ANO2: variants seen among roughly 807,000 people sequenced by gnomAD.
ANO2 encodes anoctamin-2.
In ANO2, 101 loss-of-function variants were observed where a neutral mutation model predicts 124.2. The ratio of observed to expected loss-of-function variants is 0.81; its 90% CI spans 0.69 to 0.96. The LOEUF is 0.96. Ranked by LOEUF, ANO2 falls within the 40% of genes least tolerant of loss-of-function variation. The pLI, the probability that ANO2 is intolerant of heterozygous loss-of-function variation, is 0.00. For synonymous variants in ANO2, 486 were observed against 482.5 expected (o/e 1.01, Z -0.09); for missense variants, 1,293 against 1,274.5 (o/e 1.01, Z -0.22).
rs150458774 is a variant in ANO2, at chr12:5,919,914, A to G, written c.534+1126T>C. Among the ~76,000 whole-genome samples the G allele has an allele frequency of 1.3e-3, 199 of 151,916 alleles. 1 individual carries two copies. Among genetic ancestry groups the G allele is most frequent in the African/African-American group, 4.6e-3 (189 of 41,422 alleles). On this transcript the variant is annotated intron_variant, in intron 3 of 24. Coordinates refer to ENST00000682330, the MANE Select transcript of ANO2 (RefSeq NM_001364791.2). ...GGGTTTCACCATGTTAGCCAGAATG[A>G]TCTCGATCTCCTGACCTTGTGATCC... is the stretch of plus-strand genomic sequence containing the variant.
At chr12:5,715,633 G>A (rs141507603) in intron 14 of ANO2, among the ~76,000 whole-genome samples, 15 of 152,328 alleles carry the variant, frequency 9.8e-5, no homozygotes, top group Admixed American at 4.6e-4. Context: ...AGAGCTCTTG[G>A]ACATGGATTA....
intron 3 of ANO2, among the ~76,000 whole-genome samples, chr12:5,891,918 A>G (rs1939438126): frequency 6.6e-6 from 1 of 152,204 alleles, no homozygotes; most frequent in African/African-American, 2.4e-5. Flanking sequence ...CATACAAAGA[A>G]CAAGGAAATC....
At chr12:5,788,882 C>G (rs1482344847) in intron 10 of ANO2, among the ~76,000 whole-genome samples, 2 of 152,192 alleles carry the variant, frequency 1.3e-5, no homozygotes, top group Non-Finnish European at 2.9e-5. Flanking sequence ...TCTTAAATCT[C>G]TTTCCTAAAA....
At chr12:5,923,187 CA>C (rs1941879017) in intron 1 of ANO2, among the ~76,000 whole-genome samples, 1 of 111,696 alleles carries the variant, frequency 9.0e-6, no homozygotes, top group African/African-American at 4.3e-5. Flanking sequence ...CACACACATA[CA>C]CACACACGCA....
intron 20 of ANO2, among the ~76,000 whole-genome samples, chr12:5,583,526 G>A (rs924350288): frequency 5.3e-5 from 8 of 150,768 alleles, no homozygotes; most frequent in African/African-American, 9.7e-5. Flanking sequence ...AGTGGCGGGC[G>A]CCTGTAGTCC....
intron 3 of ANO2, among the ~76,000 whole-genome samples, chr12:5,881,602 T>G (rs774098306): frequency 1.3e-5 from 2 of 152,250 alleles, no homozygotes; most frequent in African/African-American, 4.8e-5. Context: ...CAAGGCATCA[T>G]GCTAAGAAGT....
intron 2 of ANO2, 44 bp from the exon 3 acceptor site, chr12:5,921,410 A>AG: frequency 6.4e-7 from 1 of 1,573,760 alleles, no homozygotes; most frequent in African/African-American, 1.3e-5. Flanking sequence ...CTGGTGAGTA[A>AG]GGGGTGAGAA....
intron 4 of ANO2, among the ~76,000 whole-genome samples, chr12:5,840,444 G>T (rs759247189): frequency 6.6e-6 from 1 of 151,996 alleles, no homozygotes; most frequent in South Asian, 2.1e-4. Context: ...CTTTCCTGGG[G>T]TGCGGGGAAT....
chr12:5,622,391 G>A (rs760071590), intron 16 of ANO2, among the ~76,000 whole-genome samples: 1 of 152,172 alleles, frequency 6.6e-6, no homozygotes, highest in Non-Finnish European at 1.5e-5. Context: ...TTAGGGCCAT[G>A]AGCCACCATA....
chr12:5,888,405 G>A (rs748179717), intron 3 of ANO2, among the ~76,000 whole-genome samples: 1 of 152,138 alleles, frequency 6.6e-6, no homozygotes, highest in African/African-American at 2.4e-5. Flanking sequence ...GACGCCAGCG[G>A]ATTGCCACCG....
intron 14 of ANO2, among the ~76,000 whole-genome samples, chr12:5,672,623 G>A (rs1457671741): frequency 6.6e-6 from 1 of 152,052 alleles, no homozygotes; most frequent in Non-Finnish European, 1.5e-5. Flanking sequence ...GTGTGCACAT[G>A]TGTGTATGTC....
At chr12:5,684,177 A>G (rs1323775782) in intron 14 of ANO2, among the ~76,000 whole-genome samples, 1 of 152,096 alleles carries the variant, frequency 6.6e-6, no homozygotes, top group Non-Finnish European at 1.5e-5. Flanking sequence ...TCTGCTCGCC[A>G]TGTGGCACCA....
At chr12:5,767,062 G>T (rs538932679) in intron 10 of ANO2, among the ~76,000 whole-genome samples, 1 of 152,332 alleles carries the variant, frequency 6.6e-6, no homozygotes, top group Non-Finnish European at 1.5e-5. Context: ...AACAAGGCGT[G>T]TACCTAGAGA....
chr12:5,850,415 CAAAAAAAAA>C (rs11307572), intron 4 of ANO2, among the ~76,000 whole-genome samples: 7 of 100,198 alleles, frequency 7.0e-5, no homozygotes, highest in Non-Finnish European at 1.4e-4. Context: ...CACTCCATCT[CAAAAAAAAA>C]AAAAAAAAAG....
intron 20 of ANO2, among the ~76,000 whole-genome samples, chr12:5,593,132 T>C (rs903690413): frequency 3.9e-5 from 6 of 152,218 alleles, no homozygotes; most frequent in African/African-American, 1.4e-4. Flanking sequence ...TGTGAGGGTT[T>C]GACAGGATAT....
chr12:5,594,051 T>C (rs1408656650), intron 20 of ANO2, among the ~76,000 whole-genome samples: 2 of 152,118 alleles, frequency 1.3e-5, no homozygotes, highest in African/African-American at 4.8e-5. Context: ...TGAAATAAAA[T>C]AGCCATGTCT....
chr12:5,684,503 C>T (rs1948626637), intron 14 of ANO2, among the ~76,000 whole-genome samples: 1 of 152,188 alleles, frequency 6.6e-6, no homozygotes, highest in Admixed American at 6.5e-5. Context: ...GTGGTCTTGG[C>T]TGAAAGTGAG....
intron 8 of ANO2, among the ~76,000 whole-genome samples, chr12:5,806,939 C>T (rs978259388): frequency 6.6e-6 from 1 of 152,198 alleles, no homozygotes; most frequent in Non-Finnish European, 1.5e-5. Flanking sequence ...GGATTACTCA[C>T]GCCTTTCAGT....
intron 19 of ANO2, chr12:5,609,272 T>G (rs965181781): frequency 6.6e-6 from 1 of 152,112 alleles, no homozygotes; most frequent in African/African-American, 2.4e-5. Context: ...GTTGCTGACT[T>G]CCTGACTGAT....
Sources: gnomAD v4.1 joint callset for allele counts (sites outside exome capture counted in the v4.1 genomes callset) on GRCh38, gnomAD v4.1.1 for gene constraint, MANE v1.5 for transcripts, NCBI Gene and HGNC (gene_info 2026-07-23, HGNC 2026-07-21) for gene names.